Variants in TMC1 observed in about 807,000 individuals in gnomAD.
The protein encoded by TMC1 is transmembrane channel-like protein 1.
A neutral mutation model predicts 105.8 loss-of-function variants in TMC1; 84 were observed. That is an observed-to-expected ratio of 0.79 (90% CI 0.67 to 0.95). TMC1 has a LOEUF of 0.95. Among genes scored for constraint, TMC1 ranks in the 40% least tolerant of loss-of-function variants. The pLI is 0.00. For missense variants in TMC1, 817 were observed against 914.1 expected, an observed-to-expected ratio of 0.89 and a Z score of 1.37; for synonymous variants, 315 against 311.5, an observed-to-expected ratio of 1.01 and a Z score of -0.12.
chr9:72,618,231 G>A (rs1825174419), intron 3 of TMC1, among the ~76,000 whole-genome samples: 1 of 151,852 alleles, frequency 6.6e-6, no homozygotes, highest in Non-Finnish European at 1.5e-5. Flanking sequence ...GTTTCACCAT[G>A]TTGGCCAGGC....
chr9:72,694,854 CTTAA>C (rs1826522623), intron 7 of TMC1, 140 bp downstream of exon 7: 2 of 738,294 alleles, frequency 2.7e-6, no homozygotes, highest in Non-Finnish European at 4.4e-6. Flanking sequence ...TTTTATTCTA[CTTAA>C]TTAAATGTAT....
chr9:72,724,743 G>T (rs55736923), intron 8 of TMC1, among the ~76,000 whole-genome samples: 3 of 152,136 alleles, frequency 2.0e-5, no homozygotes, highest in Admixed American at 6.5e-5. Flanking sequence ...AATTTTCTGA[G>T]CTTGCCAGGG....
At position 72,751,952 on chromosome 9, in the gene TMC1, C is replaced by A; in HGVS notation, c.638C>A (p.Pro213Gln). The change falls in exon 11 of 24, where the codon CCA (proline) becomes CAA (glutamine). Residue 213 changes from proline (P) to glutamine (Q), a missense_variant. By Grantham distance (76) the Pro-to-Gln change is moderately conservative (BLOSUM62 -1). Coordinates refer to ENST00000297784, the MANE Select transcript of TMC1 (RefSeq NM_138691.3). Reference sequence around the variant, plus strand: ...CTGACATTTAGCCTCATCATGTTGCCAGAGGTGAGATCTGACTTCCAGTTT... The same window carrying A: ...CTGACATTTAGCCTCATCATGTTGCAAGAGGTGAGATCTGACTTCCAGTTT... ...FILTFSLIML[P>Q]EYLWGLPYGS... 6.3e-7 allele frequency: 1 copy of A among 1,595,360 alleles called. No individual in the cohort carries two copies. Among genetic ancestry groups the A allele is most frequent in the Non-Finnish European group, 8.6e-7 (1 of 1,163,118 alleles).
intron 1 of TMC1, among the ~76,000 whole-genome samples, chr9:72,563,499 TAAG>T (rs1246264632): frequency 6.6e-6 from 1 of 152,096 alleles, no homozygotes. Context: ...GTAGAGGACT[TAAG>T]AGACCATTTG....
chr9:72,727,428 CTAAG>C (rs891703361), intron 8 of TMC1, among the ~76,000 whole-genome samples: 6 of 151,954 alleles, frequency 3.9e-5, no homozygotes, highest in African/African-American at 1.5e-4. Flanking sequence ...AAAAAAAAGA[CTAAG>C]TAAAAGGGAC....
At chr9:72,619,119 A>G (rs944798853) in intron 3 of TMC1, among the ~76,000 whole-genome samples, 7 of 152,202 alleles carry the variant, frequency 4.6e-5, no homozygotes, top group Non-Finnish European at 7.3e-5. Flanking sequence ...AAGCAGATAC[A>G]CTATGAAAGA....
chr9:72,605,946 C>T (rs975351865), intron 2 of TMC1, among the ~76,000 whole-genome samples: 3 of 152,110 alleles, frequency 2.0e-5, no homozygotes, highest in Admixed American at 2.0e-4. Context: ...CAAATATAGT[C>T]ACATGAATTA....
At chr9:72,799,994 G>C (rs938301585) in intron 17 of TMC1, among the ~76,000 whole-genome samples, 1 of 152,136 alleles carries the variant, frequency 6.6e-6, no homozygotes, top group African/African-American at 2.4e-5. Flanking sequence ...AGGAGATTAA[G>C]AGCCAAGGAA....
chr9:72,588,286 A>G (rs1824585088), intron 2 of TMC1, among the ~76,000 whole-genome samples: 2 of 152,168 alleles, frequency 1.3e-5, no homozygotes. Context: ...CTAACAAAAA[A>G]ATCATTTAAT....
At chr9:72,561,351 A>C (rs1032431395) in intron 1 of TMC1, among the ~76,000 whole-genome samples, 4 of 151,752 alleles carry the variant, frequency 2.6e-5, no homozygotes, top group Non-Finnish European at 5.9e-5. Flanking sequence ...GAGAGAGAGA[A>C]AATAACTCAG....
chr9:72,747,678 C>T (rs1827513050), intron 10 of TMC1, among the ~76,000 whole-genome samples: 1 of 152,128 alleles, frequency 6.6e-6, no homozygotes, highest in Non-Finnish European at 1.5e-5. Flanking sequence ...CACTGCAAAC[C>T]TCTGCCTCCT....
At chr9:72,590,892 A>G (rs577566368) in intron 2 of TMC1, among the ~76,000 whole-genome samples, 1 of 152,188 alleles carries the variant, frequency 6.6e-6, no homozygotes, top group East Asian at 1.9e-4. Flanking sequence ...GCCCTACCCC[A>G]CTCTTACCTA....
chr9:72,549,125 C>T (rs1489573407), intron 1 of TMC1, among the ~76,000 whole-genome samples: 2 of 152,212 alleles, frequency 1.3e-5, no homozygotes, highest in African/African-American at 4.8e-5. Context: ...TTACAAACCT[C>T]TCTTCTGGGT....
chr9:72,540,084 C>T (rs1407076000), intron 1 of TMC1, among the ~76,000 whole-genome samples: 1 of 152,084 alleles, frequency 6.6e-6, no homozygotes, highest in Admixed American at 6.6e-5. Flanking sequence ...ATTGAGAACT[C>T]GCTCACTCCC....
chr9:72,748,177 C>T (rs1827524105), intron 10 of TMC1, among the ~76,000 whole-genome samples: 1 of 152,190 alleles, frequency 6.6e-6, no homozygotes, highest in South Asian at 2.1e-4. Context: ...ACACCTGTAG[C>T]TCAAGACTGC....
intron 2 of TMC1, among the ~76,000 whole-genome samples, chr9:72,604,751 T>C (rs535561602): frequency 2.0e-5 from 3 of 152,356 alleles, no homozygotes; most frequent in Middle Eastern, 3.4e-3. Context: ...GTTGGTTTAA[T>C]ATTCATCATC....
chr9:72,533,295 C>T (rs1257446275), intron 1 of TMC1, among the ~76,000 whole-genome samples: 1 of 152,196 alleles, frequency 6.6e-6, no homozygotes, highest in Non-Finnish European at 1.5e-5. Context: ...GGTGCGATCC[C>T]TGGCTCTAGA....
chr9:72,527,515 T>G (rs1823425958), intron 1 of TMC1, among the ~76,000 whole-genome samples: 1 of 152,154 alleles, frequency 6.6e-6, no homozygotes, highest in Non-Finnish European at 1.5e-5. Context: ...GAGAGCAGCC[T>G]CTTTCCTCTG....
chr9:72,704,294 C>T (rs947217500), intron 8 of TMC1, among the ~76,000 whole-genome samples: 5 of 152,046 alleles, frequency 3.3e-5, no homozygotes, highest in African/African-American at 4.8e-5. Context: ...TGCCTGGGTT[C>T]GAAGCCTTCT....
Sources: allele counts gnomAD v4.1 joint callset (sites outside exome capture counted in the v4.1 genomes callset), GRCh38; gene constraint gnomAD v4.1.1; transcripts MANE v1.5; gene names NCBI Gene and HGNC (gene_info 2026-07-23, HGNC 2026-07-21).